The following ESRRG variants were observed in gnomAD, a reference collection of about 807,000 sequenced individuals.
The protein encoded by ESRRG is estrogen related receptor gamma.
In ESRRG, 13 loss-of-function variants were observed where a neutral mutation model predicts 44.0. The observed-to-expected ratio is 0.30, with a 90% CI of 0.19 to 0.47. The LOEUF is 0.47. Ranked by LOEUF, ESRRG falls within the 20% of genes least tolerant of loss-of-function variation. ESRRG has a pLI of 1.00. For missense variants in ESRRG, 395 were observed against 580.6 expected (o/e 0.68, Z 3.29); for synonymous variants, 215 against 214.6 (o/e 1.00, Z -0.02).
At chr1:216,635,124 T>C (rs1193182084) in intron 3 of ESRRG, among the ~76,000 whole-genome samples, 1 of 152,066 alleles carries the variant, frequency 6.6e-6, no homozygotes, top group African/African-American at 2.4e-5. Flanking sequence ...TCAAAGGATA[T>C]AAGTGCCACA....
chr1:217,077,578 A>G (rs978059393), intron 1 of ESRRG, among the ~76,000 whole-genome samples: 8 of 152,172 alleles, frequency 5.3e-5, no homozygotes, highest in Non-Finnish European at 8.8e-5. Flanking sequence ...TACAGGTTTA[A>G]CCAGACTGCA....
intron 2 of ESRRG, among the ~76,000 whole-genome samples, chr1:216,782,295 C>T (rs1440414514): frequency 6.6e-6 from 1 of 151,990 alleles, no homozygotes; most frequent in Non-Finnish European, 1.5e-5. Flanking sequence ...GAGTAAGTCT[C>T]TCATGGCATT....
chr1:216,552,254 A>G (rs1274515975), intron 5 of ESRRG, among the ~76,000 whole-genome samples: 1 of 152,132 alleles, frequency 6.6e-6, no homozygotes, highest in African/African-American at 2.4e-5. Context: ...TAAGATGATA[A>G]TTTTTAAATA....
At chr1:216,903,458 T>C (rs890477097) in intron 2 of ESRRG, among the ~76,000 whole-genome samples, 18 of 132,906 alleles carry the variant, frequency 1.4e-4, no homozygotes, top group Non-Finnish European at 2.9e-4. Context: ...TGTGTGTGTG[T>C]CGGGGGACTA....
intron 1 of ESRRG, among the ~76,000 whole-genome samples, chr1:217,011,579 A>G (rs112994300): frequency 6.6e-6 from 1 of 151,972 alleles, no homozygotes; most frequent in Non-Finnish European, 1.5e-5. Context: ...AATAAAAAAA[A>G]CTTCACTCCT....
chr1:217,098,634 A>G (rs960697937), intron 1 of ESRRG, among the ~76,000 whole-genome samples: 4 of 152,204 alleles, frequency 2.6e-5, no homozygotes, highest in Non-Finnish European at 5.9e-5. Context: ...AAACAGGAAG[A>G]AAAGGAGGGT....
chr1:216,582,944 T>A (rs2149836866), intron 3 of ESRRG, among the ~76,000 whole-genome samples: 1 of 151,536 alleles, frequency 6.6e-6, no homozygotes, highest in Non-Finnish European at 1.5e-5. Flanking sequence ...ACTGCTAGAA[T>A]AGAAAACCTA....
chr1:216,844,386 CT>C (rs1037182745), intron 2 of ESRRG, among the ~76,000 whole-genome samples: 2 of 152,162 alleles, frequency 1.3e-5, no homozygotes, highest in African/African-American at 4.8e-5. Flanking sequence ...CATAGCATCA[CT>C]GCGTCAAACC....
At chr1:216,532,186 C>A (rs967853561) in intron 5 of ESRRG, among the ~76,000 whole-genome samples, 1 of 151,644 alleles carries the variant, frequency 6.6e-6, no homozygotes, top group Non-Finnish European at 1.5e-5. Flanking sequence ...TCGGCAGACT[C>A]TTAATTGCAT....
rs187501942 is a variant in ESRRG at position 216,512,303 on chromosome 1, A to G, written c.1133-5120T>C. Among the ~76,000 whole-genome samples, 118 of 152,036 alleles carry G rather than the reference A, an allele frequency of 7.8e-4. 1 individual carries two copies. Among genetic ancestry groups the G allele is most frequent in the African/African-American group, 2.6e-3 (107 of 41,288 alleles). On this transcript the variant is annotated intron_variant, in intron 6 of 6. Transcript: ENST00000408911. ...AATTTGCACAAAATGCAAAGGGCAG[A>G]AAAAACATGATGAACTTCTCCAAGA...
intron 2 of ESRRG, among the ~76,000 whole-genome samples, chr1:216,850,810 T>C (rs1208796365): frequency 2.6e-5 from 4 of 152,030 alleles, no homozygotes; most frequent in Non-Finnish European, 2.9e-5. Context: ...ATTGAATCTA[T>C]TGATGAATCA....
intron 5 of ESRRG, among the ~76,000 whole-genome samples, chr1:216,561,472 A>C (rs2058727523): frequency 6.6e-6 from 1 of 152,150 alleles, no homozygotes; most frequent in Non-Finnish European, 1.5e-5. Context: ...CTATGACCCC[A>C]GTTATCAGGA....
chr1:216,848,772 G>A (rs1183610232), intron 2 of ESRRG, among the ~76,000 whole-genome samples: 1 of 151,788 alleles, frequency 6.6e-6, no homozygotes, highest in Non-Finnish European at 1.5e-5. Context: ...TGTGCCTCTG[G>A]AACATTCTAT....
chr1:216,570,991 C>T lies in ESRRG; in HGVS notation c.590-2893G>A, dbSNP rs141987358. Reference sequence around the variant, plus strand: ...GAGTTTTGTCCATCATGAAGATCTGCGGAAAAAGACCATAGCTGAGTGACT... The same window carrying T: ...GAGTTTTGTCCATCATGAAGATCTGTGGAAAAAGACCATAGCTGAGTGACT... On this transcript the variant is annotated intron_variant, in intron 3 of 6. Transcript: ENST00000408911. Among the ~76,000 whole-genome samples the T allele has an allele frequency of 1.8e-4, 28 of 152,068 alleles. No individual in the cohort carries two copies. The East Asian group carries it at 2.7e-3, about 15-fold the overall frequency.
At chr1:216,745,734 A>G (rs746355712) in intron 2 of ESRRG, among the ~76,000 whole-genome samples, 4 of 152,198 alleles carry the variant, frequency 2.6e-5, no homozygotes, top group Non-Finnish European at 4.4e-5. Context: ...AAAGTTACTT[A>G]ACCTCTCTGT....
At chr1:216,518,434 T>A (rs761826925) in intron 6 of ESRRG, among the ~76,000 whole-genome samples, 1 of 152,152 alleles carries the variant, frequency 6.6e-6, no homozygotes, top group Non-Finnish European at 1.5e-5. Context: ...CAGAGCACGT[T>A]ATTGACACGC....
At chr1:216,958,572 G>C (rs1174013580) in intron 1 of ESRRG, among the ~76,000 whole-genome samples, 1 of 152,082 alleles carries the variant, frequency 6.6e-6, no homozygotes, top group East Asian at 1.9e-4. Flanking sequence ...ATCTTCTTCT[G>C]TGAGGTGTTT....
Position 217,101,188 on chromosome 1 carries a change from A to G in ESRRG, c.-230+36479T>C, listed in dbSNP as rs549633378. 2.6e-5 allele frequency among the ~76,000 whole-genome samples: 4 copies of G among 152,344 alleles called. No individual in the cohort carries two copies. In the South Asian group the frequency reaches 8.3e-4, roughly 32 times the overall value. Reference sequence around the variant, plus strand: ...GGAGACAGAACAAAAAAGAATAAGGAGCACATGCTCCAGAATAAAACTGCC... The same window carrying G: ...GGAGACAGAACAAAAAAGAATAAGGGGCACATGCTCCAGAATAAAACTGCC... On this transcript the variant is annotated intron_variant, in intron 1 of 8. Transcript: ENST00000366940.
rs772925003 is a variant in ESRRG, at chr1:216,519,375, A to C, written c.909T>G (p.Ser303Arg). The C allele has an allele frequency of 6.2e-7, 1 of 1,613,484 alleles. No individual in the cohort carries two copies. ...CAAGGATCAAAATTTCCATCCAAGC[A>C]CTCTGCAGAAGGCTCATCTGGTCCG... ...SLADQMSLLQ[S>R]AWMEILILGV... Residue 303 changes from serine to arginine, a missense_variant, in exon 6 of 7, where the codon AGT becomes AGG. By Grantham distance (110) the Ser-to-Arg change is moderately radical. This residue lies in a region of ESRRG where 167 missense variants were observed against 251.8 expected (regional missense o/e 0.66). Transcript: ENST00000408911.
Sources: gnomAD v4.1 joint callset for allele counts (sites outside exome capture counted in the v4.1 genomes callset) on GRCh38, gnomAD v4.1.1 for gene constraint, gnomAD v4.1.1 regional missense constraint, MANE v1.5 for transcripts, NCBI Gene and HGNC (gene_info 2026-07-23, HGNC 2026-07-21) for gene names.